CFAP299: variants seen among roughly 807,000 people sequenced by gnomAD.
CFAP299 encodes cilia- and flagella-associated protein 299.
In CFAP299, 21 loss-of-function variants were observed where a neutral mutation model predicts 27.0. The observed-to-expected ratio is 0.78, with a 90% CI of 0.55 to 1.12. CFAP299 has a LOEUF of 1.12. Ranked by LOEUF, CFAP299 falls within the 50% of genes most tolerant of loss-of-function variation. The pLI is 0.00. For synonymous variants in CFAP299, 104 were observed against 98.1 expected (o/e 1.06, Z -0.36); for missense variants, 310 against 276.6 (o/e 1.12, Z -0.86).
At chr4:80,518,674 CA>C (rs1732713621) in intron 2 of CFAP299, among the ~76,000 whole-genome samples, 1 of 151,920 alleles carries the variant, frequency 6.6e-6, no homozygotes, top group Non-Finnish European at 1.5e-5. Context: ...AATGACTGAA[CA>C]AGCTTCTATG....
intron 3 of CFAP299, among the ~76,000 whole-genome samples, chr4:80,762,613 C>T (rs1725598614): frequency 6.6e-6 from 1 of 152,062 alleles, no homozygotes; most frequent in Admixed American, 6.6e-5. Context: ...AATTGAGATC[C>T]TTGTACTGGG....
intron 2 of CFAP299, among the ~76,000 whole-genome samples, chr4:80,523,310 A>C (rs1224758014): frequency 6.6e-6 from 1 of 152,166 alleles, no homozygotes; most frequent in Non-Finnish European, 1.5e-5. Context: ...ATAGAAACAC[A>C]ACTGATTTTT....
At chr4:80,953,178 A>G (rs1385578771) in intron 5 of CFAP299, among the ~76,000 whole-genome samples, 1 of 152,206 alleles carries the variant, frequency 6.6e-6, no homozygotes, top group East Asian at 1.9e-4. Context: ...ACAAGACTAA[A>G]TTAATATTGG....
chr4:80,512,153 G>A (rs571572175), intron 2 of CFAP299, among the ~76,000 whole-genome samples: 14 of 152,166 alleles, frequency 9.2e-5, no homozygotes, highest in African/African-American at 3.4e-4. Flanking sequence ...AGTCTTGGAA[G>A]AGGAAATAGT....
intron 3 of CFAP299, among the ~76,000 whole-genome samples, chr4:80,705,011 T>A (rs1490764444): frequency 2.0e-5 from 3 of 151,738 alleles, no homozygotes; most frequent in Non-Finnish European, 3.0e-5. Context: ...TAGGATAAAG[T>A]AGAAACTGCT....
intron 5 of CFAP299, among the ~76,000 whole-genome samples, chr4:80,948,540 A>G (rs1174125228): frequency 6.6e-6 from 1 of 151,934 alleles, no homozygotes; most frequent in Non-Finnish European, 1.5e-5. Flanking sequence ...TTTTAAATAC[A>G]CTTTTTTTTT....
chr4:80,383,406 A>G (rs1724811118), intron 2 of CFAP299, among the ~76,000 whole-genome samples: 2 of 152,220 alleles, frequency 1.3e-5, no homozygotes, highest in Admixed American at 6.5e-5. Context: ...ACCCAGAACA[A>G]CAAAACCATT....
chr4:80,328,386 G>A, the CFAP299 span, among the ~76,000 whole-genome samples: 2 of 151,898 alleles, frequency 1.3e-5, no homozygotes, highest in East Asian at 3.9e-4. Flanking sequence ...GGTGAGAGAG[G>A]ATGATATCCA....
At chr4:80,885,701 T>G (rs1286617966) in intron 4 of CFAP299, among the ~76,000 whole-genome samples, 1 of 152,110 alleles carries the variant, frequency 6.6e-6, no homozygotes, top group African/African-American at 2.4e-5. Context: ...CCTTGGGCTG[T>G]GAATAACCAA....
intron 2 of CFAP299, among the ~76,000 whole-genome samples, chr4:80,414,788 G>A (rs1210046579): frequency 1.3e-5 from 2 of 152,128 alleles, no homozygotes; most frequent in Non-Finnish European, 2.9e-5. Flanking sequence ...ACATCCACAT[G>A]GAAGTACTCT....
chr4:80,744,627 C>T (rs1206062455), intron 3 of CFAP299, among the ~76,000 whole-genome samples: 1 of 151,700 alleles, frequency 6.6e-6, no homozygotes, highest in African/African-American at 2.4e-5. Context: ...CCTACTAATA[C>T]ACAAGCTCTA....
At chr4:80,623,395 A>T (rs1239940830) in intron 3 of CFAP299, among the ~76,000 whole-genome samples, 1 of 152,200 alleles carries the variant, frequency 6.6e-6, no homozygotes, top group African/African-American at 2.4e-5. Context: ...AAATGAAACA[A>T]AAATAATTAG....
At chr4:80,875,715 A>G (rs2110172162) in intron 4 of CFAP299, among the ~76,000 whole-genome samples, 1 of 152,166 alleles carries the variant, frequency 6.6e-6, no homozygotes, top group South Asian at 2.1e-4. Context: ...CCAGAATTAA[A>G]CTGCAGCTGC....
intron 3 of CFAP299, among the ~76,000 whole-genome samples, chr4:80,658,044 G>T (rs1740653753): frequency 1.3e-5 from 2 of 152,064 alleles, no homozygotes; most frequent in African/African-American, 4.8e-5. Context: ...TCTATTATTG[G>T]TGTGTAGCAA....
Position 80,871,162 on chromosome 4 carries a change from C to T in CFAP299, c.476+1027C>T, listed in dbSNP as rs1230826214. ...CCTCAGGTGATCCACCGGCCTCAGC[C>T]TCCCAAAGTGCTGGGATTACAGGCG... On this transcript the variant is annotated intron_variant, in intron 4 of 5. Transcript: ENST00000358105. 1.4e-5 allele frequency: 13 copies of T among 950,728 alleles called. No individual in the cohort carries two copies. The South Asian group carries it at 6.3e-4, about 46-fold the overall frequency. The allele number at this position is 950,728 out of a possible 1,614,324, so 58.9% of individuals were successfully genotyped here.
chr4:80,903,328 T>A (rs1014620126), intron 4 of CFAP299, among the ~76,000 whole-genome samples: 4 of 151,992 alleles, frequency 2.6e-5, no homozygotes, highest in Admixed American at 2.6e-4. Context: ...TGGGGAAGGA[T>A]AAAGGGAAAG....
At chr4:80,789,578 T>C (rs1727435793) in intron 3 of CFAP299, among the ~76,000 whole-genome samples, 1 of 152,080 alleles carries the variant, frequency 6.6e-6, no homozygotes, top group African/African-American at 2.4e-5. Context: ...TTCACATCTA[T>C]GAGTGAATAA....
At chr4:80,471,912 A>G (rs1034505415) in intron 2 of CFAP299, among the ~76,000 whole-genome samples, 3 of 152,174 alleles carry the variant, frequency 2.0e-5, no homozygotes, top group Non-Finnish European at 4.4e-5. Flanking sequence ...CTTCACTCGC[A>G]GCTTTCGGTT....
intron 3 of CFAP299, among the ~76,000 whole-genome samples, chr4:80,859,568 T>C (rs1377946642): frequency 6.6e-6 from 1 of 152,168 alleles, no homozygotes; most frequent in South Asian, 2.1e-4. Context: ...CTTTCCATGT[T>C]TAGCACTTCC....
Sources: gnomAD v4.1 joint callset for allele counts (sites outside exome capture counted in the v4.1 genomes callset) on GRCh38, gnomAD v4.1.1 for gene constraint, MANE v1.5 for transcripts, NCBI Gene and HGNC (gene_info 2026-07-23, HGNC 2026-07-21) for gene names.